Variants in NEBL observed in about 807,000 individuals in gnomAD.
NEBL encodes the protein nebulette, also known as LIM and SH3 protein 2.
In NEBL, 122 loss-of-function variants were observed where a neutral mutation model predicts 140.2. The ratio of observed to expected loss-of-function variants is 0.87; its 90% CI spans 0.75 to 1.01. The LOEUF is 1.01. Ranked by LOEUF, NEBL falls within the 50% of genes least tolerant of loss-of-function variation. The pLI is 0.00. For missense variants in NEBL, 1,365 were observed against 1,231.3 expected, an observed-to-expected ratio of 1.11 and a Z score of -1.62; for synonymous variants, 436 against 398.9, an observed-to-expected ratio of 1.09 and a Z score of -1.11.
intron 2 of NEBL, among the ~76,000 whole-genome samples, chr10:21,127,606 G>A (rs1375097456): frequency 2.0e-5 from 3 of 151,996 alleles, no homozygotes; most frequent in Non-Finnish European, 4.4e-5. Context: ...TATCAGGCCT[G>A]TTGATCTATG....
chr10:20,954,552 G>T (rs537507365), intron 4 of NEBL, among the ~76,000 whole-genome samples: 2 of 152,154 alleles, frequency 1.3e-5, no homozygotes, highest in Non-Finnish European at 2.9e-5. Context: ...ATTCAGGCTC[G>T]CAGACAATTT....
rs1196135236 is a variant in NEBL, at chr10:21,100,466, T to G, written c.164+71917A>C. On this transcript the variant is annotated intron_variant, in intron 2 of 6. Transcript: ENST00000417816. ...GTTGCTAAGCAACACTTTTGCACCC[T>G]GTGTAAAAGATAAAGAGTGCAAAGC... Among the ~76,000 whole-genome samples the G allele has an allele frequency of 2.0e-5, 3 of 152,184 alleles. No individual in the cohort carries two copies. The East Asian group carries it at 5.8e-4, about 29-fold the overall frequency.
At chr10:20,925,916 C>G (rs535255687) in intron 4 of NEBL, among the ~76,000 whole-genome samples, 1 of 152,256 alleles carries the variant, frequency 6.6e-6, no homozygotes, top group Admixed American at 6.5e-5. Flanking sequence ...TACTCTTATT[C>G]AGTAGGTGTC....
intron 1 of NEBL, among the ~76,000 whole-genome samples, chr10:21,259,352 C>T (rs114045083): frequency 9.5e-4 from 144 of 152,152 alleles, no homozygotes; most frequent in African/African-American, 3.2e-3. Flanking sequence ...TACTTGGAGA[C>T]GGCGAGGAAG....
chr10:21,126,079 G>C, intron 2 of NEBL: 1 of 1,614,072 alleles, frequency 6.2e-7, no homozygotes. Context: ...CAGCTTCCTG[G>C]GAGGCCTCAG....
intron 26 of NEBL, among the ~76,000 whole-genome samples, chr10:20,789,240 G>C (rs926070171): frequency 6.6e-6 from 1 of 152,010 alleles, no homozygotes; most frequent in Non-Finnish European, 1.5e-5. Context: ...ATTACTACTT[G>C]AATCTATTTG....
intron 2 of NEBL, among the ~76,000 whole-genome samples, chr10:21,084,629 A>G (rs1836537416): frequency 6.6e-6 from 1 of 152,180 alleles, no homozygotes; most frequent in African/African-American, 2.4e-5. Context: ...AATAAAAAAC[A>G]GCAACAATGA....
At chr10:21,126,171 A>C in intron 2 of NEBL, 1 of 1,556,714 alleles carries the variant, frequency 6.4e-7, no homozygotes, top group Non-Finnish European at 8.7e-7. Flanking sequence ...GGTACCCCCC[A>C]TAGAAAGGAA....
chr10:21,227,705 T>TTCG (rs1842177961), intron 3 of NEBL, among the ~76,000 whole-genome samples: 1 of 72,486 alleles, frequency 1.4e-5, no homozygotes, highest in South Asian at 4.9e-4. Context: ...CTTCTTCTTC[T>TTCG]TCTTCTTTCT....
intron 4 of NEBL, among the ~76,000 whole-genome samples, chr10:20,885,638 TG>T (rs1761389354): frequency 1.3e-5 from 2 of 152,244 alleles, no homozygotes; most frequent in African/African-American, 4.8e-5. Context: ...AGAGCTGTTG[TG>T]TGCTTTCAAA....
intron 2 of NEBL, among the ~76,000 whole-genome samples, chr10:21,168,462 T>C (rs995593999): frequency 6.6e-6 from 1 of 152,200 alleles, no homozygotes; most frequent in East Asian, 1.9e-4. Flanking sequence ...ATTGAATCTC[T>C]AATAGCTAAG....
chr10:21,022,887 T>A (rs144753129), intron 2 of NEBL, among the ~76,000 whole-genome samples: 1 of 152,370 alleles, frequency 6.6e-6, no homozygotes, highest in Non-Finnish European at 1.5e-5. Context: ...CCAGAGTTAT[T>A]GATTCAAACG....
rs527994714 is a variant in NEBL, at chr10:21,162,403, G to A, written c.164+9980C>T. Among the ~76,000 whole-genome samples the A allele has an allele frequency of 3.6e-3, 542 of 152,294 alleles. 5 individuals are homozygous for A. Among genetic ancestry groups the A allele is most frequent in the Non-Finnish European group, 4.5e-3 (309 of 68,020 alleles). On this transcript the variant is annotated intron_variant, in intron 2 of 6. Transcript: ENST00000417816. ...TGCAGCCAGTTGGTCCAAACTGTAG[G>A]TGACCTAGGGACTCCTGGGCTTGAA...
intron 3 of NEBL, among the ~76,000 whole-genome samples, chr10:20,968,331 C>T (rs1026866723): frequency 6.6e-6 from 1 of 151,240 alleles, no homozygotes; most frequent in Admixed American, 6.6e-5. Flanking sequence ...ATAGCAAGGC[C>T]CCATCTCTTA....
At chr10:20,870,153 C>A (rs1290437184) in intron 5 of NEBL, among the ~76,000 whole-genome samples, 6 of 151,614 alleles carry the variant, frequency 4.0e-5, no homozygotes, top group Non-Finnish European at 5.9e-5. Context: ...ATGGTGAAAC[C>A]CCATCTCTAC....
intron 1 of NEBL, among the ~76,000 whole-genome samples, chr10:21,284,875 T>G (rs933218290): frequency 6.6e-6 from 1 of 152,178 alleles, no homozygotes; most frequent in Non-Finnish European, 1.5e-5. Context: ...TACATCCTGT[T>G]TTTGTGAACT....
intron 4 of NEBL, among the ~76,000 whole-genome samples, chr10:20,922,900 AAC>A (rs1833661802): frequency 6.6e-6 from 1 of 152,212 alleles, no homozygotes. Context: ...GATAATACCA[AAC>A]ACACAGAAAC....
rs749985830 is a variant in NEBL, at chr10:20,808,546, A to G, written c.2725T>C (p.Cys909Arg). ...EISEIYPSFS[C>R]CSEVTRPSDE... is the part of the protein sequence containing the mutation. ...GACGGTCTTGTTACCTCACTGCAGC[A>G]TGAAAAGCTAGGGTAAATCTCGGAG... The change falls in exon 26 of 28, where the codon TGC (cysteine) becomes CGC (arginine). Residue 909 changes from cysteine (C) to arginine (R), a missense_variant. By Grantham distance (180) the Cys-to-Arg change is radical. Transcript: ENST00000377122. 9.9e-6 allele frequency: 16 copies of G among 1,613,930 alleles called. No homozygotes were observed. Among genetic ancestry groups the G allele is most frequent in the Non-Finnish European group, 1.4e-5 (16 of 1,179,928 alleles).
At chr10:21,032,396 T>G (rs1010127368) in intron 2 of NEBL, among the ~76,000 whole-genome samples, 1 of 152,184 alleles carries the variant, frequency 6.6e-6, no homozygotes, top group Non-Finnish European at 1.5e-5. Context: ...TTCTGGGATT[T>G]TGGGGTCTAA....
Sources: allele counts gnomAD v4.1 joint callset (sites outside exome capture counted in the v4.1 genomes callset), GRCh38; gene constraint gnomAD v4.1.1; transcripts MANE v1.5; gene names NCBI Gene and HGNC (gene_info 2026-07-23, HGNC 2026-07-21).